MAGI2: variants seen among roughly 807,000 people sequenced by gnomAD.
The protein encoded by MAGI2 is membrane associated guanylate kinase, WW and PDZ domain containing 2.
MAGI2 carries 35 observed loss-of-function variants against 133.3 expected under a neutral mutation model. The ratio of observed to expected loss-of-function variants is 0.26; its 90% CI spans 0.20 to 0.35. MAGI2 has a LOEUF of 0.35. Among genes scored for constraint, MAGI2 ranks in the 10% least tolerant of loss-of-function variants. The pLI is 1.00. For missense variants in MAGI2, 1,636 were observed against 1,863.4 expected (o/e 0.88, Z 2.25); for synonymous variants, 729 against 710.6 (o/e 1.03, Z -0.41).
In MAGI2 at chr7:78,018,750, C is replaced by T. The variant is rs554335295; in HGVS notation, c.*565G>A. 6.6e-4 allele frequency: 104 copies of T among 158,602 alleles called. 1 individual carries two copies. Among genetic ancestry groups the T allele is most frequent in the African/African-American group, 2.3e-3 (96 of 41,838 alleles). The allele number at this position is 158,602 out of a possible 1,614,324, so 9.8% of individuals were successfully genotyped here. ...ACCGAGGATGGATGCCAAGGGTGAG[C>T]CATGGAAACATGTCATGGGTGAACG... is the stretch of plus-strand genomic sequence containing the variant. On this transcript the variant is annotated 3_prime_UTR_variant, in exon 22 of 22. Transcript: ENST00000354212.
chr7:78,278,350 G>C (rs1320029025), intron 9 of MAGI2, among the ~76,000 whole-genome samples: 1 of 152,150 alleles, frequency 6.6e-6, no homozygotes, highest in Non-Finnish European at 1.5e-5. Flanking sequence ...TACTAATTCA[G>C]ATAAGCAAAA....
intron 1 of MAGI2, among the ~76,000 whole-genome samples, chr7:79,103,793 G>A (rs1021729610): frequency 1.3e-5 from 2 of 151,876 alleles, no homozygotes; most frequent in Admixed American, 6.6e-5. Flanking sequence ...TCCGCCTCCC[G>A]GGTTCACGCC....
chr7:79,292,760 T>A (rs1836594077), intron 1 of MAGI2, among the ~76,000 whole-genome samples: 1 of 118,518 alleles, frequency 8.4e-6, no homozygotes, highest in Non-Finnish European at 1.7e-5. Flanking sequence ...GACCACTTTG[T>A]CAATTTCTGC....
intron 1 of MAGI2, among the ~76,000 whole-genome samples, chr7:79,378,117 G>A (rs1487096785): frequency 1.3e-5 from 2 of 151,922 alleles, no homozygotes; most frequent in African/African-American, 4.8e-5. Flanking sequence ...TTAGCCAGCT[G>A]TGATGTAAAT....
In MAGI2 at chr7:79,367,854, G is replaced by GC. The variant is rs1464155174; in HGVS notation, c.301+85165_301+85166insG. 3.3e-3 allele frequency among the ~76,000 whole-genome samples: 217 copies of GC among 66,054 alleles called. 9 individuals are homozygous for GC. Among genetic ancestry groups the GC allele is most frequent in the African/African-American group, 0.018 (205 of 11,210 alleles). 43.3% of individuals were successfully genotyped at this position (66,054 alleles called of 152,430 possible). ...AAGTCATATATATATGCTTATATATGTGACATATATATATATATATATGTC... is the reference window on the plus strand; with the variant it reads ...AAGTCATATATATATGCTTATATATGCTGACATATATATATATATATATGTC... On this transcript the variant is annotated intron_variant, in intron 1 of 21. Coordinates refer to ENST00000354212, the MANE Select transcript of MAGI2 (RefSeq NM_012301.4).
At chr7:78,290,411 T>C (rs1013102060) in intron 9 of MAGI2, among the ~76,000 whole-genome samples, 3 of 152,158 alleles carry the variant, frequency 2.0e-5, no homozygotes, top group Non-Finnish European at 4.4e-5. Context: ...CCTAAATATA[T>C]ATGCACCCAA....
intron 1 of MAGI2, among the ~76,000 whole-genome samples, chr7:79,070,393 G>A (rs1350516041): frequency 1.3e-5 from 2 of 151,126 alleles, no homozygotes; most frequent in East Asian, 3.9e-4. Context: ...CTGCTTGATC[G>A]ATTCAGCTAT....
intron 1 of MAGI2, among the ~76,000 whole-genome samples, chr7:79,397,824 G>C (rs1016899496): frequency 6.6e-6 from 1 of 152,008 alleles, no homozygotes; most frequent in Non-Finnish European, 1.5e-5. Flanking sequence ...AGTACTCACT[G>C]TATATTAAAT....
At chr7:78,729,830 A>G (rs1005274610) in intron 2 of MAGI2, among the ~76,000 whole-genome samples, 2 of 152,218 alleles carry the variant, frequency 1.3e-5, no homozygotes, top group Admixed American at 1.3e-4. Context: ...TGAGAGACCA[A>G]GAGTTCTGAT....
At chr7:78,924,169 A>T (rs1183502953) in intron 2 of MAGI2, among the ~76,000 whole-genome samples, 2 of 151,994 alleles carry the variant, frequency 1.3e-5, no homozygotes, top group Non-Finnish European at 2.9e-5. Flanking sequence ...CTCTTTTCCT[A>T]ATTGAATACC....
At chr7:78,557,015 G>A (rs562495674) in intron 3 of MAGI2, among the ~76,000 whole-genome samples, 11 of 148,192 alleles carry the variant, frequency 7.4e-5, no homozygotes, top group East Asian at 4.0e-4. Context: ...GGTGTTAATC[G>A]GGCAGATGGA....
At chr7:78,525,529 C>G (rs1584497625) in intron 3 of MAGI2, among the ~76,000 whole-genome samples, 1 of 152,124 alleles carries the variant, frequency 6.6e-6, no homozygotes. Flanking sequence ...TTTTAAAATA[C>G]AATTTGGAAA....
At chr7:78,889,757 C>A (rs1032492517) in intron 2 of MAGI2, among the ~76,000 whole-genome samples, 26 of 152,272 alleles carry the variant, frequency 1.7e-4, no homozygotes, top group African/African-American at 6.3e-4. Context: ...ACAACTGATA[C>A]CAGCCACTGC....
intron 20 of MAGI2, among the ~76,000 whole-genome samples, chr7:78,114,561 G>A (rs1422729657): frequency 1.3e-5 from 2 of 152,246 alleles, no homozygotes; most frequent in Non-Finnish European, 2.9e-5. Context: ...CCTCCAGCCA[G>A]GCAGGCCTGC....
intron 1 of MAGI2, among the ~76,000 whole-genome samples, chr7:79,222,009 C>A (rs1018673830): frequency 3.0e-4 from 45 of 152,188 alleles, no homozygotes; most frequent in Admixed American, 1.9e-3. Flanking sequence ...CTCACCCACT[C>A]ATTGAAGGGT....
chr7:78,032,325 C>T (rs1380168881), intron 21 of MAGI2, among the ~76,000 whole-genome samples: 1 of 152,118 alleles, frequency 6.6e-6, no homozygotes. Flanking sequence ...AGCAATCCTC[C>T]TGCCTCAGCC....
chr7:79,218,085 G>T (rs1830162160), intron 1 of MAGI2, among the ~76,000 whole-genome samples: 1 of 151,950 alleles, frequency 6.6e-6, no homozygotes, highest in Non-Finnish European at 1.5e-5. Flanking sequence ...TAAGAAAAAT[G>T]AAGTTCCCTG....
chr7:78,456,447 T>G (rs1292502628), intron 6 of MAGI2, among the ~76,000 whole-genome samples: 1 of 152,190 alleles, frequency 6.6e-6, no homozygotes, highest in Non-Finnish European at 1.5e-5. Context: ...CTTATGCATT[T>G]ATTTTTTAAA....
chr7:78,482,200 T>A (rs1792467621), intron 6 of MAGI2, among the ~76,000 whole-genome samples: 1 of 151,898 alleles, frequency 6.6e-6, no homozygotes. Context: ...AAAAGCAGTA[T>A]CTCTACACAC....
Sources: gnomAD v4.1 joint callset for allele counts (sites outside exome capture counted in the v4.1 genomes callset) on GRCh38, gnomAD v4.1.1 for gene constraint, MANE v1.5 for transcripts, NCBI Gene and HGNC (gene_info 2026-07-23, HGNC 2026-07-21) for gene names.